Variants in TRAF3IP2 observed in about 807,000 individuals in gnomAD.
The protein encoded by TRAF3IP2 is E3 ubiquitin ligase TRAF3IP2.
TRAF3IP2 carries 35 observed loss-of-function variants against 57.9 expected under a neutral mutation model. The observed-to-expected ratio is 0.60, with a 90% CI of 0.46 to 0.80. The LOEUF is 0.80. Ranked by LOEUF, TRAF3IP2 falls within the 30% of genes least tolerant of loss-of-function variation. TRAF3IP2 has a pLI of 0.00. For synonymous variants in TRAF3IP2, 251 were observed against 268.9 expected (o/e 0.93, Z 0.65); for missense variants, 556 against 706.4 (o/e 0.79, Z 2.41).
Position 111,558,045 on chromosome 6 carries a change from G to GTCTC in TRAF3IP2, c.*1356_*1359dup, listed in dbSNP as rs1274545662. On this transcript the variant is annotated 3_prime_UTR_variant, in exon 9 of 9. Transcript: ENST00000368761. ...AAACAAAAAAAAAGAAGAAGAAAATGTCTCTGTTAAGAAAATGTAAATTTG... is the reference window on the plus strand; with the variant it reads ...AAACAAAAAAAAAGAAGAAGAAAATGTCTCTCTCTGTTAAGAAAATGTAAATTTG... 6.6e-6 allele frequency: 1 copy of GTCTC among 151,926 alleles called. No homozygotes were observed. The highest frequency in any genetic ancestry group is 1.9e-4 in the East Asian group (1 of 5,146). The allele number at this position is 151,926 out of a possible 1,614,324, so 9.4% of individuals were successfully genotyped here.
chr6:111,593,267 T>C (rs1796575599), intron 1 of TRAF3IP2, among the ~76,000 whole-genome samples: 1 of 152,240 alleles, frequency 6.6e-6, no homozygotes, highest in Non-Finnish European at 1.5e-5. Flanking sequence ...AGGGATTATG[T>C]CTGGATTTAA....
intron 5 of TRAF3IP2, among the ~76,000 whole-genome samples, chr6:111,569,457 A>G (rs1228394087): frequency 6.6e-6 from 1 of 152,212 alleles, no homozygotes; most frequent in African/African-American, 2.4e-5. Context: ...GCACTCAGTA[A>G]ATGGTGATAA....
At chr6:111,586,876 T>C (rs1326251759) in intron 2 of TRAF3IP2, 5 of 152,234 alleles carry the variant, frequency 3.3e-5, no homozygotes, top group African/African-American at 1.2e-4. Context: ...AGAACTGGGC[T>C]ACAGGATGCT....
chr6:111,557,620 T>G lies in TRAF3IP2; in HGVS notation c.*1785A>C, dbSNP rs1373000973. ...ATTTTTTTTGTATTTTTAGTAGAGA[T>G]GGAGTTTCACCGTGTTAGCCAGGAT... On this transcript the variant is annotated 3_prime_UTR_variant, in exon 9 of 9. Coordinates refer to ENST00000368761, the MANE Select transcript of TRAF3IP2 (RefSeq NM_147686.4). 1.3e-5 allele frequency: 2 copies of G among 151,698 alleles called. No homozygotes were observed. Among genetic ancestry groups the G allele is most frequent in the Non-Finnish European group, 2.9e-5 (2 of 67,954 alleles). 9.4% of individuals were successfully genotyped at this position (151,698 alleles called of 1,614,324 possible).
Position 111,572,811 on chromosome 6 carries a change from G to A in TRAF3IP2, c.1290+84C>T, listed in dbSNP as rs1795868665. On this transcript the variant is annotated intron_variant, in intron 5 of 8. Coordinates refer to ENST00000368761, the MANE Select transcript of TRAF3IP2 (RefSeq NM_147686.4). Reference sequence around the variant, plus strand: ...AATAATATCATTTAAAACACCAACAGCTATTACACTTTTTCTTCTGCTGCT... The same window carrying A: ...AATAATATCATTTAAAACACCAACAACTATTACACTTTTTCTTCTGCTGCT... 4 of 993,756 alleles carry A rather than the reference G, an allele frequency of 4.0e-6. 1 individual carries two copies. Among genetic ancestry groups the A allele is most frequent in the South Asian group, 4.0e-5 (3 of 75,902 alleles). The allele number at this position is 993,756 out of a possible 1,614,324, so 61.6% of individuals were successfully genotyped here.
chr6:111,559,270 C>T lies in TRAF3IP2; in HGVS notation c.*135G>A. The T allele has an allele frequency of 7.8e-7, 1 of 1,277,428 alleles. No individual in the cohort carries two copies. The highest frequency in any genetic ancestry group is 1.1e-6 in the Non-Finnish European group (1 of 929,826). 79.1% of individuals were successfully genotyped at this position (1,277,428 alleles called of 1,614,324 possible). A position where few individuals can be genotyped will look rare whatever the true frequency, so the allele number is the denominator to read the frequency against. On this transcript the variant is annotated 3_prime_UTR_variant, in exon 9 of 9. Transcript: ENST00000368761. The stretch of plus-strand genomic sequence containing the variant: ...GGAAGAGCTCTGCACAACAGGTTTC[C>T]TGGGGGCCAGAGGGCCTCTCGGGGA...
intron 7 of TRAF3IP2, among the ~76,000 whole-genome samples, chr6:111,564,613 AG>A (rs2128370421): frequency 6.6e-6 from 1 of 152,332 alleles, no homozygotes; most frequent in African/African-American, 2.4e-5. Context: ...AGAGGGGTGC[AG>A]GAAGTCAGCC....
intron 1 of TRAF3IP2, among the ~76,000 whole-genome samples, chr6:111,593,504 A>G (rs1796583169): frequency 6.6e-6 from 1 of 152,178 alleles, no homozygotes; most frequent in Non-Finnish European, 1.5e-5. Context: ...TATACTTAAC[A>G]GCCTACAGAA....
chr6:111,586,536 C>CT (rs369106992), intron 2 of TRAF3IP2, among the ~76,000 whole-genome samples: 125 of 146,836 alleles, frequency 8.5e-4, no homozygotes, highest in African/African-American at 2.4e-3. Flanking sequence ...ACTTTGAAAA[C>CT]TTTTTTTTTT....
At chr6:111,583,875 G>T (rs921373707) in intron 2 of TRAF3IP2, among the ~76,000 whole-genome samples, 5 of 152,116 alleles carry the variant, frequency 3.3e-5, no homozygotes, top group Non-Finnish European at 5.9e-5. Flanking sequence ...TGTTTTGGGG[G>T]TTTTTTGGTT....
At chr6:111,567,480 C>T (rs1397793140) in intron 6 of TRAF3IP2, 144 bp downstream of exon 6, 26 of 1,307,336 alleles carry the variant, frequency 2.0e-5, no homozygotes, top group South Asian at 6.3e-5. Context: ...AGTCTTTGCA[C>T]GGCTTCCAAC....
Position 111,591,345 on chromosome 6 carries a change from C to T in TRAF3IP2, c.742G>A (p.Ala248Thr). The T allele has an allele frequency of 6.5e-7, 1 of 1,532,810 alleles. No homozygotes were observed. Among genetic ancestry groups the T allele is most frequent in the Admixed American group, 2.2e-5 (1 of 45,668 alleles). 95.0% of individuals were successfully genotyped at this position (1,532,810 alleles called of 1,614,324 possible). The change falls in exon 2 of 9, where the codon GCA (alanine) becomes ACA (threonine). Residue 248 changes from alanine to threonine, a missense_variant. Around this residue, in one of 2 missense-constraint regions of TRAF3IP2, gnomAD observed 428 missense variants for 498.7 expected, o/e 0.86. Transcript: ENST00000368761. This position sits in a 1 kb window ranked among gnomAD's most constrained non-coding sequence, Gnocchi z 4.9. ...GAAAGATTGGGAGGCAGCATCTGTG[C>T]ACATGCTGGATACCTCTGAGGTTCA... ...QFEPQRYPAC[A>T]QMLPPNLSPH...
chr6:111,566,647 G>T (rs1268203891), intron 6 of TRAF3IP2, 87 bp from the exon 7 acceptor site: 3 of 1,130,904 alleles, frequency 2.7e-6, no homozygotes, highest in Non-Finnish European at 4.1e-6. Context: ...GGAGGGCCAG[G>T]CTCATTCTCC....
chr6:111,596,308 G>C (rs1268010792), intron 1 of TRAF3IP2, among the ~76,000 whole-genome samples: 2 of 151,606 alleles, frequency 1.3e-5, no homozygotes, highest in Non-Finnish European at 2.9e-5. Context: ...CTTTTTCTTT[G>C]TGATACGGGG....
At chr6:111,584,748 C>T (rs1363113464) in intron 2 of TRAF3IP2, among the ~76,000 whole-genome samples, 1 of 151,810 alleles carries the variant, frequency 6.6e-6, no homozygotes. Context: ...TTTCCAATTA[C>T]TATGACGAAG....
At position 111,580,194 on chromosome 6, in the gene TRAF3IP2, T is replaced by C. The variant is rs1562427078; in HGVS notation, c.1022+3A>G. The C allele has an allele frequency of 1.2e-6, 2 of 1,613,780 alleles. No individual in the cohort carries two copies. Among genetic ancestry groups the C allele is most frequent in the Non-Finnish European group, 1.7e-6 (2 of 1,179,838 alleles). On this transcript the variant is annotated splice_donor_region_variant and intron_variant, in intron 3 of 8. Coordinates refer to ENST00000368761, the MANE Select transcript of TRAF3IP2 (RefSeq NM_147686.4). Reference sequence around the variant, plus strand: ...GCCTGAAGGTTGGGCCTGTCATACTTACTGGTGCCTTGGAAGCCCCGGAAA... The same window carrying C: ...GCCTGAAGGTTGGGCCTGTCATACTCACTGGTGCCTTGGAAGCCCCGGAAA...
intron 1 of TRAF3IP2, among the ~76,000 whole-genome samples, chr6:111,592,613 G>A (rs1796557235): frequency 6.6e-6 from 1 of 152,184 alleles, no homozygotes; most frequent in African/African-American, 2.4e-5. Flanking sequence ...TATAAACCGT[G>A]TGGAGGATAT....
intron 6 of TRAF3IP2, 99 bp from the exon 7 acceptor site, chr6:111,566,659 T>C (rs1795649942): frequency 3.3e-5 from 35 of 1,047,122 alleles, no homozygotes; most frequent in South Asian, 1.6e-4. Context: ...TCATTCTCCA[T>C]AGAAAGAGAA....
At chr6:111,595,535 C>G (rs1796653901) in intron 1 of TRAF3IP2, among the ~76,000 whole-genome samples, 1 of 152,082 alleles carries the variant, frequency 6.6e-6, no homozygotes, top group Admixed American at 6.5e-5. Flanking sequence ...CAAGAGGTAC[C>G]AAAGGGTATG....
Sources: gnomAD v4.1 joint callset for allele counts (sites outside exome capture counted in the v4.1 genomes callset) on GRCh38, gnomAD v4.1.1 for gene constraint, gnomAD v4.1.1 regional missense constraint, Gnocchi (gnomAD v3.1) non-coding constraint, MANE v1.5 for transcripts, NCBI Gene and HGNC (gene_info 2026-07-23, HGNC 2026-07-21) for gene names.